The following PDCD10 variants were observed in gnomAD, a reference collection of about 807,000 sequenced individuals.
PDCD10 encodes the protein programmed cell death 10.
A neutral mutation model predicts 29.2 loss-of-function variants in PDCD10; 4 were observed. The ratio of observed to expected loss-of-function variants is 0.14; its 90% CI spans 0.07 to 0.31. PDCD10 has a LOEUF of 0.31. Ranked by LOEUF, PDCD10 falls within the 10% of genes least tolerant of loss-of-function variation. The pLI is 1.00. For synonymous variants in PDCD10, 70 were observed against 82.2 expected, an observed-to-expected ratio of 0.85 and a Z score of 0.80; for missense variants, 183 against 257.9, an observed-to-expected ratio of 0.71 and a Z score of 1.99.
chr3:167,699,659 A>G (rs1027190752), intron 4 of PDCD10, among the ~76,000 whole-genome samples: 2 of 152,214 alleles, frequency 1.3e-5, no homozygotes, highest in East Asian at 1.9e-4. Context: ...AGAAAAAAAT[A>G]AACCGAAGGG....
intron 3 of PDCD10, among the ~76,000 whole-genome samples, chr3:167,710,575 T>G (rs1311351683): frequency 6.6e-6 from 1 of 152,254 alleles, no homozygotes; most frequent in African/African-American, 2.4e-5. Context: ...TTTTGACTCT[T>G]AATTCTTGGC....
intron 5 of PDCD10, 46 bp downstream of exon 5, chr3:167,696,963 C>T (rs760273271): frequency 1.6e-5 from 15 of 927,346 alleles, no homozygotes; most frequent in Middle Eastern, 2.1e-4. Flanking sequence ...AGAGGAAGTG[C>T]TATTTAACAA....
chr3:167,701,116 C>A (rs1282913016), intron 4 of PDCD10, among the ~76,000 whole-genome samples: 1 of 152,046 alleles, frequency 6.6e-6, no homozygotes, highest in Non-Finnish European at 1.5e-5. Context: ...TGTGGTTGTA[C>A]AAGAAGACCT....
chr3:167,710,356 G>C (rs1471930202), intron 3 of PDCD10, among the ~76,000 whole-genome samples: 2 of 152,068 alleles, frequency 1.3e-5, no homozygotes, highest in Non-Finnish European at 2.9e-5. Context: ...GCTCAGGCTC[G>C]GCAGCAATCA....
chr3:167,717,935 T>A (rs949119336), intron 3 of PDCD10, among the ~76,000 whole-genome samples: 1 of 152,132 alleles, frequency 6.6e-6, no homozygotes, highest in Non-Finnish European at 1.5e-5. Flanking sequence ...CACTAGAGGA[T>A]TAAACTGAAG....
intron 6 of PDCD10, among the ~76,000 whole-genome samples, chr3:167,693,373 C>G (rs370473991): frequency 2.0e-5 from 3 of 152,152 alleles, no homozygotes; most frequent in Admixed American, 1.3e-4. Flanking sequence ...AGTGACTTTC[C>G]AGCTTACAAC....
rs977355699 is a variant in PDCD10 at position 167,689,263 on chromosome 3, C to T, written c.396-1570G>A. Among the ~76,000 whole-genome samples, 15 of 152,240 alleles carry T rather than the reference C, an allele frequency of 9.9e-5. No homozygotes were observed. In the Middle Eastern group the frequency reaches 0.01, roughly 104 times the overall value. On this transcript the variant is annotated intron_variant, in intron 6 of 8. Coordinates refer to ENST00000392750, the MANE Select transcript of PDCD10 (RefSeq NM_007217.4). ...AAACCCACTATTGTTTAATAAAATG[C>T]TGTCATAGGACTATTCTGTGAGAAA...
rs769890116 is a variant in PDCD10 at position 167,695,620 on chromosome 3, C to T, written c.371G>A (p.Arg124Lys). ...LSKIPDEIND[R>K]VRFLQTIKDI... The stretch of plus-strand genomic sequence containing the variant: ...CTTGATTGTCTGCAGAAACCTCACT[C>T]TGTCATTGATCTCATCTGGGATCTT... Residue 124 changes from arginine to lysine, a missense_variant, in exon 6 of 9, where the codon AGA (arginine) becomes AAA (lysine). Coordinates refer to ENST00000392750, the MANE Select transcript of PDCD10 (RefSeq NM_007217.4). The T allele has an allele frequency of 6.2e-7, 1 of 1,613,528 alleles. No individual in the cohort carries two copies. Among genetic ancestry groups the T allele is most frequent in the Non-Finnish European group, 8.5e-7 (1 of 1,179,444 alleles).
chr3:167,733,632 A>G (rs1169797723), intron 2 of PDCD10, among the ~76,000 whole-genome samples: 1 of 152,212 alleles, frequency 6.6e-6, no homozygotes, highest in Non-Finnish European at 1.5e-5. Flanking sequence ...TTTTCTAGTA[A>G]TGGGCACACT....
At chr3:167,686,741 A>G (rs138203724) in intron 8 of PDCD10, among the ~76,000 whole-genome samples, 3 of 152,322 alleles carry the variant, frequency 2.0e-5, no homozygotes, top group East Asian at 1.9e-4. Flanking sequence ...TGATGCCACT[A>G]AAGTTTGAGA....
chr3:167,689,977 CAG>C (rs148689436), intron 6 of PDCD10, among the ~76,000 whole-genome samples: 7,467 of 152,174 alleles, frequency 0.049, 601 homozygotes, highest in African/African-American at 0.17. Flanking sequence ...TAGTAACTAC[CAG>C]AGAGTTTGTT....
In PDCD10 at chr3:167,697,899, T is replaced by C. The variant is rs1277925030; in HGVS notation, c.151-773A>G. ...TTTCAGTTTTTCCCAGTAAATTCTG[T>C]AATCACACTTGATGTTTGTTTCCTG... On this transcript the variant is annotated intron_variant, in intron 4 of 8. Transcript: ENST00000392750. The C allele has an allele frequency of 2.2e-5, 10 of 456,256 alleles. No homozygotes were observed. The East Asian group carries it at 6.9e-4, about 32-fold the overall frequency. 28.3% of individuals were successfully genotyped at this position (456,256 alleles called of 1,614,324 possible).
At chr3:167,716,407 G>C (rs1335632172) in intron 3 of PDCD10, among the ~76,000 whole-genome samples, 1 of 151,892 alleles carries the variant, frequency 6.6e-6, no homozygotes, top group African/African-American at 2.4e-5. Flanking sequence ...AACTAAAAGA[G>C]TATAACTGGA....
intron 3 of PDCD10, among the ~76,000 whole-genome samples, chr3:167,705,348 T>C (rs895689034): frequency 1.3e-5 from 2 of 152,168 alleles, no homozygotes; most frequent in African/African-American, 2.4e-5. Context: ...TAAAACTCAA[T>C]TGTATATATT....
intron 6 of PDCD10, among the ~76,000 whole-genome samples, chr3:167,690,685 A>G (rs556270996): frequency 6.6e-6 from 1 of 152,322 alleles, no homozygotes; most frequent in African/African-American, 2.4e-5. Context: ...TTTCCTTATC[A>G]ACTCCATTGA....
intron 3 of PDCD10, among the ~76,000 whole-genome samples, chr3:167,705,456 T>C (rs28360949): frequency 0.26 from 39,836 of 152,088 alleles, 5,655 homozygotes; most frequent in African/African-American, 0.36. Context: ...ATATATCATA[T>C]TATGCAATAA....
At chr3:167,717,856 T>C (rs748365773) in intron 3 of PDCD10, among the ~76,000 whole-genome samples, 3 of 152,054 alleles carry the variant, frequency 2.0e-5, no homozygotes, top group Admixed American at 2.0e-4. Flanking sequence ...TAAATTCAAT[T>C]TGAGAATTAT....
At chr3:167,730,855 T>C (rs1724732741) in intron 2 of PDCD10, 1 of 152,034 alleles carries the variant, frequency 6.6e-6, no homozygotes, top group African/African-American at 2.4e-5. Flanking sequence ...ATTAGAAAAA[T>C]TTTCAGGAAA....
In PDCD10 at chr3:167,687,185, C is replaced by T. The variant is rs752469308; in HGVS notation, c.557+49G>A. ...ATGTGGTTTTCATATCATATAAAAC[C>T]ACATAATCTATTTAATTTTAAAAGT... On this transcript the variant is annotated intron_variant, in intron 8 of 8. Transcript: ENST00000392750. The T allele has an allele frequency of 3.7e-5, 36 of 965,898 alleles. No homozygotes were observed. The Admixed American group carries it at 6.4e-4, about 17-fold the overall frequency. 59.8% of individuals were successfully genotyped at this position (965,898 alleles called of 1,614,324 possible).
Sources: gnomAD v4.1 joint callset for allele counts (sites outside exome capture counted in the v4.1 genomes callset) on GRCh38, gnomAD v4.1.1 for gene constraint, MANE v1.5 for transcripts, NCBI Gene and HGNC (gene_info 2026-07-23, HGNC 2026-07-21) for gene names.